KCNIP1: variants seen among roughly 807,000 people sequenced by gnomAD.
KCNIP1 encodes potassium voltage-gated channel interacting protein 1.
Under a neutral mutation model 33.0 loss-of-function variants are expected in KCNIP1, and 18 were observed. The ratio of observed to expected loss-of-function variants is 0.55; its 90% confidence interval spans 0.38 to 0.81. KCNIP1 has a LOEUF of 0.81. Ranked by LOEUF, KCNIP1 falls within the 30% of genes least tolerant of loss-of-function variation. The pLI, the probability that KCNIP1 is intolerant of heterozygous loss-of-function variation, is 0.00. For synonymous variants in KCNIP1, 93 were observed against 98.3 expected, an observed-to-expected ratio of 0.95 and a Z score of 0.32; for missense variants, 238 against 271.6, an observed-to-expected ratio of 0.88 and a Z score of 0.87.
At chr5:170,594,746 G>C (rs886278354) in intron 1 of KCNIP1, among the ~76,000 whole-genome samples, 3 of 152,102 alleles carry the variant, frequency 2.0e-5, no homozygotes, top group Non-Finnish European at 4.4e-5. Context: ...CCTGACCTCA[G>C]GTGATCCACC....
At chr5:170,412,165 C>T (rs1485830230) in intron 1 of KCNIP1, among the ~76,000 whole-genome samples, 1 of 152,214 alleles carries the variant, frequency 6.6e-6, no homozygotes, top group Non-Finnish European at 1.5e-5. Flanking sequence ...CACTGAGCCT[C>T]TACCCAGCCC....
At chr5:170,684,007 G>GA (rs1561763603) in intron 1 of KCNIP1, among the ~76,000 whole-genome samples, 2 of 151,688 alleles carry the variant, frequency 1.3e-5, no homozygotes, top group Non-Finnish European at 2.9e-5. Context: ...TCCACCTGCC[G>GA]AGGCCTCCCA....
rs750402454 is a variant in KCNIP1 at position 170,718,762 on chromosome 5, G to T, written c.66G>T (p.Lys22Asn). 1 of 1,613,610 alleles carries T rather than the reference G, an allele frequency of 6.2e-7. No homozygotes were observed. The highest frequency in any genetic ancestry group is 8.5e-7 in the Non-Finnish European group (1 of 1,179,794). Reference sequence around the variant, plus strand: ...TGCCATCTCCTCTGGTTCCAGATAAGATTGAAGATGAGCTGGAGATGACCA... The same window carrying T: ...TGCCATCTCCTCTGGTTCCAGATAATATTGAAGATGAGCTGGAGATGACCA... ...QTKQRRPSKD[K>N]IEDELEMTMV... Residue 22 changes from lysine to asparagine, a missense_variant, in exon 2 of 8, where the codon AAG becomes AAT. Transcript: ENST00000328939.
chr5:170,483,900 T>C (rs1423999513), intron 1 of KCNIP1: 1 of 152,208 alleles, frequency 6.6e-6, no homozygotes, highest in Non-Finnish European at 1.5e-5. Flanking sequence ...AAAGGAGAAG[T>C]AGGATGCACT....
rs1000234890 is a variant in KCNIP1, at chr5:170,732,781, T to C, written c.436-19T>C. ...ACCTCATGGTTTCCACACTGTGTGC[T>C]TTTATGTCCCTGCTCCAGGAGATGA... is the stretch of plus-strand genomic sequence containing the variant. On this transcript the variant is annotated intron_variant, in intron 5 of 7. Coordinates refer to ENST00000328939, the MANE Select transcript of KCNIP1 (RefSeq NM_014592.4). The C allele has an allele frequency of 9.7e-6, 15 of 1,546,010 alleles. No individual in the cohort carries two copies. The highest frequency in any genetic ancestry group is 1.3e-5 in the Non-Finnish European group (15 of 1,117,882).
intron 1 of KCNIP1, among the ~76,000 whole-genome samples, chr5:170,704,759 C>T (rs1763201809): frequency 6.6e-6 from 1 of 152,164 alleles, no homozygotes; most frequent in South Asian, 2.1e-4. Flanking sequence ...TTTCTCCTGC[C>T]ATACAACCTT....
At chr5:170,457,836 C>A (rs1756421094) in intron 1 of KCNIP1, among the ~76,000 whole-genome samples, 1 of 152,004 alleles carries the variant, frequency 6.6e-6, no homozygotes, top group Non-Finnish European at 1.5e-5. Flanking sequence ...TGGATGCAAA[C>A]CAAGAAGAAA....
intron 1 of KCNIP1, among the ~76,000 whole-genome samples, chr5:170,696,789 G>T (rs1762912856): frequency 1.3e-5 from 2 of 152,102 alleles, no homozygotes; most frequent in African/African-American, 2.4e-5. Context: ...GGGTGACTTT[G>T]TATAGGAGAG....
intron 1 of KCNIP1, among the ~76,000 whole-genome samples, chr5:170,594,897 A>C (rs1758391270): frequency 6.6e-6 from 1 of 152,232 alleles, no homozygotes; most frequent in South Asian, 2.1e-4. Context: ...CGGTGTCTGC[A>C]TGTGGCAAAC....
rs1764326793 is a variant in KCNIP1 at position 170,383,318 on chromosome 5, C to A, written c.88+29354C>A. 6 of 548,818 alleles carry A rather than the reference C, an allele frequency of 1.1e-5. No individual in the cohort carries two copies. The South Asian group carries it at 1.2e-4, about 11-fold the overall frequency. 34.0% of individuals were successfully genotyped at this position (548,818 alleles called of 1,614,324 possible). A position where few individuals can be genotyped will look rare whatever the true frequency, so the allele number is the denominator to read the frequency against. On this transcript the variant is annotated intron_variant, in intron 1 of 7. Transcript: ENST00000377360. The stretch of plus-strand genomic sequence containing the variant: ...ATGAAAGTACTAACACTAATCACTG[C>A]TTTTGTTTGAGTGCCCACTATCCAC...
intron 1 of KCNIP1, among the ~76,000 whole-genome samples, chr5:170,608,569 T>C (rs1441680822): frequency 6.6e-6 from 1 of 152,008 alleles, no homozygotes; most frequent in Admixed American, 6.6e-5. Context: ...GTCAGGAGTT[T>C]GAGACCAGCC....
intron 1 of KCNIP1, chr5:170,383,391 C>G (rs1419107583): frequency 3.3e-6 from 2 of 598,518 alleles, no homozygotes; most frequent in Non-Finnish European, 6.0e-6. Context: ...GACTTGATAA[C>G]AGCTCTTCAA....
At chr5:170,415,611 C>A (rs979594684) in intron 1 of KCNIP1, among the ~76,000 whole-genome samples, 4 of 152,196 alleles carry the variant, frequency 2.6e-5, no homozygotes, top group Non-Finnish European at 4.4e-5. Flanking sequence ...ATGGTCCACA[C>A]CAGTGTCAGG....
intron 1 of KCNIP1, among the ~76,000 whole-genome samples, chr5:170,577,087 C>T (rs1757628983): frequency 6.6e-6 from 1 of 152,184 alleles, no homozygotes; most frequent in African/African-American, 2.4e-5. Context: ...TGACTGACTT[C>T]CTGCTTTGGT....
intron 1 of KCNIP1, among the ~76,000 whole-genome samples, chr5:170,457,801 A>G (rs1756420459): frequency 6.6e-6 from 1 of 152,182 alleles, no homozygotes; most frequent in South Asian, 2.1e-4. Flanking sequence ...ATACCCCCCA[A>G]AAAATCACAC....
At chr5:170,606,733 C>T (rs1438475115) in intron 1 of KCNIP1, among the ~76,000 whole-genome samples, 1 of 152,236 alleles carries the variant, frequency 6.6e-6, no homozygotes, top group Non-Finnish European at 1.5e-5. Flanking sequence ...ATTACCCCAC[C>T]AGTCTATGTC....
chr5:170,606,070 T>C (rs1758906224), intron 1 of KCNIP1, among the ~76,000 whole-genome samples: 1 of 152,202 alleles, frequency 6.6e-6, no homozygotes, highest in Non-Finnish European at 1.5e-5. Flanking sequence ...CCACCACGCC[T>C]GGCCACTTCA....
At chr5:170,722,445 G>A (rs1299273284) in intron 4 of KCNIP1, among the ~76,000 whole-genome samples, 1 of 151,976 alleles carries the variant, frequency 6.6e-6, no homozygotes, top group Non-Finnish European at 1.5e-5. Context: ...CATGGATAAG[G>A]CAAAAACAGG....
chr5:170,633,469 AG>A (rs1406847665), intron 1 of KCNIP1, among the ~76,000 whole-genome samples: 2 of 150,594 alleles, frequency 1.3e-5, no homozygotes, highest in Non-Finnish European at 3.0e-5. Flanking sequence ...AGAGCTTTTC[AG>A]GAAGAAGAAT....
Sources: gnomAD v4.1 joint callset for allele counts (sites outside exome capture counted in the v4.1 genomes callset) on GRCh38, gnomAD v4.1.1 for gene constraint, MANE v1.5 for transcripts, NCBI Gene and HGNC (gene_info 2026-07-23, HGNC 2026-07-21) for gene names.